Variants in ARHGAP40 observed in about 807,000 individuals in gnomAD.
The protein encoded by ARHGAP40 is rho GTPase-activating protein 40.
ARHGAP40 carries 43 observed loss-of-function variants against 73.5 expected under a neutral mutation model. That is an observed-to-expected ratio of 0.58 (90% CI 0.46 to 0.75). ARHGAP40 has a LOEUF of 0.75. Ranked by LOEUF, ARHGAP40 falls within the 30% of genes least tolerant of loss-of-function variation. The probability of loss-of-function intolerance (pLI) is 0.00; values close to 1 mark genes in which losing one functional copy is unlikely to be tolerated. For synonymous variants in ARHGAP40, 300 were observed against 352.8 expected, an observed-to-expected ratio of 0.85 and a Z score of 1.68; for missense variants, 734 against 861.8, an observed-to-expected ratio of 0.85 and a Z score of 1.86.
chr20:38,627,990 A>C (rs2145604776), intron 3 of ARHGAP40, among the ~76,000 whole-genome samples: 1 of 152,334 alleles, frequency 6.6e-6, no homozygotes, highest in East Asian at 1.9e-4. Context: ...TGGAGGCAGC[A>C]GTAATACAGT....
At chr20:38,638,960 T>A in intron 8 of ARHGAP40, 122 bp downstream of exon 8, 1 of 1,006,184 alleles carries the variant, frequency 9.9e-7, no homozygotes. Flanking sequence ...TCTGTGTGGG[T>A]CGAGGGTTTG....
At chr20:38,620,835 GT>G (rs973895046) in intron 1 of ARHGAP40, among the ~76,000 whole-genome samples, 1 of 152,176 alleles carries the variant, frequency 6.6e-6, no homozygotes, top group African/African-American at 2.4e-5. Flanking sequence ...GGATGGAATT[GT>G]TTAGGACTCG....
At chr20:38,629,422 C>A (rs1009651663) in intron 4 of ARHGAP40, 80 bp from the exon 5 acceptor site, 1 of 1,274,676 alleles carries the variant, frequency 7.8e-7, no homozygotes, top group Admixed American at 2.4e-5. Flanking sequence ...GACTAAGGGC[C>A]TAAGTCCCGA....
chr20:38,622,407 C>T (rs1370107797), intron 1 of ARHGAP40, among the ~76,000 whole-genome samples: 2 of 152,156 alleles, frequency 1.3e-5, no homozygotes, highest in African/African-American at 4.8e-5. Context: ...TTATGACCAA[C>T]CCTACCATTT....
At chr20:38,637,754 C>T (rs1379728448) in exon 7 of ARHGAP40, 6 of 1,305,340 alleles carry the variant, frequency 4.6e-6, no homozygotes, top group Admixed American at 4.6e-5. Context: ...TAGAAGCTGA[C>T]CACAAAGTCC....
intron 3 of ARHGAP40, 64 bp from the exon 4 acceptor site, chr20:38,628,863 A>G (rs910894649): frequency 8.3e-7 from 1 of 1,199,760 alleles, no homozygotes; most frequent in African/African-American, 1.6e-5. Flanking sequence ...TCTGTCTCCC[A>G]GGGTTGTGTG....
chr20:38,627,646 G>T (rs1247485301), intron 3 of ARHGAP40, among the ~76,000 whole-genome samples: 11 of 132,194 alleles, frequency 8.3e-5, no homozygotes, highest in African/African-American at 1.4e-4. Context: ...TGTGTGTGGG[G>T]TGTGTTGGTG....
chr20:38,623,653 C>T, intron 2 of ARHGAP40, 95 bp downstream of exon 2: 4 of 1,038,336 alleles, frequency 3.9e-6, no homozygotes, highest in African/African-American at 1.7e-5. Context: ...CAGAACATGA[C>T]AGCATTTTCT....
chr20:38,635,131 C>T (rs544943033), intron 6 of ARHGAP40, among the ~76,000 whole-genome samples: 27 of 152,234 alleles, frequency 1.8e-4, no homozygotes, highest in Non-Finnish European at 3.7e-4. Context: ...CTGCCTGCCT[C>T]AGCCTCCCAA....
intron 7 of ARHGAP40, among the ~76,000 whole-genome samples, chr20:38,638,080 C>G (rs565899105): frequency 6.6e-6 from 1 of 151,194 alleles, no homozygotes; most frequent in African/African-American, 2.4e-5. Context: ...GAGGCCGAAG[C>G]GGGTGGATCA....
chr20:38,608,584 C>T (rs763364646), intron 1 of ARHGAP40, among the ~76,000 whole-genome samples: 3 of 152,144 alleles, frequency 2.0e-5, no homozygotes, highest in African/African-American at 4.8e-5. Context: ...TTTTATAGGC[C>T]GCACATCAAG....
At chr20:38,614,766 T>G (rs1355891961) in intron 1 of ARHGAP40, 1 of 611,702 alleles carries the variant, frequency 1.6e-6, no homozygotes, top group East Asian at 2.7e-5. Context: ...AACTTGTTGC[T>G]TCTCCAACAA....
intron 8 of ARHGAP40, 41 bp from the exon 9 acceptor site, chr20:38,639,186 G>C: frequency 7.7e-7 from 1 of 1,301,532 alleles, no homozygotes; most frequent in Non-Finnish European, 1.0e-6. Flanking sequence ...TTCTACCAGA[G>C]CCCTGGGCCA....
chr20:38,620,886 C>T (rs898612516), intron 1 of ARHGAP40, among the ~76,000 whole-genome samples: 8 of 152,174 alleles, frequency 5.3e-5, no homozygotes, highest in African/African-American at 1.9e-4. Context: ...GAGAGGAAGC[C>T]ACAAGCCAGG....
chr20:38,624,586 T>G (rs1346238132), intron 2 of ARHGAP40, among the ~76,000 whole-genome samples: 1 of 152,154 alleles, frequency 6.6e-6, no homozygotes. Flanking sequence ...TCACTCTACT[T>G]CTGTCCTCGG....
chr20:38,602,759 T>C (rs1201059282), intron 1 of ARHGAP40, among the ~76,000 whole-genome samples: 1 of 152,236 alleles, frequency 6.6e-6, no homozygotes, highest in Non-Finnish European at 1.5e-5. Flanking sequence ...GCTCTTGTGT[T>C]ACATGTGCTT....
intron 1 of ARHGAP40, among the ~76,000 whole-genome samples, chr20:38,609,929 G>A (rs905793666): frequency 2.0e-5 from 3 of 152,378 alleles, no homozygotes; most frequent in Non-Finnish European, 4.4e-5. Context: ...CCTTGAGTGC[G>A]TAATGGAAGA....
chr20:38,644,611 C>A (rs1182683448), intron 11 of ARHGAP40, among the ~76,000 whole-genome samples: 1 of 149,608 alleles, frequency 6.7e-6, no homozygotes, highest in African/African-American at 2.5e-5. Flanking sequence ...ATGCAACTGC[C>A]CGTCACCCAC....
chr20:38,637,700 T>G lies in ARHGAP40; in HGVS notation c.950-8T>G. On this transcript the variant is annotated splice_polypyrimidine_tract_variant and splice_region_variant and intron_variant, in intron 6 of 14. Coordinates refer to ENST00000373345, the Ensembl canonical transcript of ARHGAP40. ...TGAAATGTGCCTCTGCTCTTTGACT[T>G]TCTGCAGAAACTCGCCTCTTTGGTG... 3.1e-6 allele frequency: 4 copies of G among 1,305,238 alleles called. No homozygotes were observed. Among genetic ancestry groups the G allele is most frequent in the Non-Finnish European group, 4.0e-6 (4 of 988,888 alleles). The allele number at this position is 1,305,238 out of a possible 1,614,324, so 80.9% of individuals were successfully genotyped here.
Sources: allele counts gnomAD v4.1 joint callset (sites outside exome capture counted in the v4.1 genomes callset), GRCh38; gene constraint gnomAD v4.1.1; transcripts MANE v1.5; gene names NCBI Gene and HGNC (gene_info 2026-07-23, HGNC 2026-07-21).